PAPOLA: variants seen among roughly 807,000 people sequenced by gnomAD.
PAPOLA encodes polynucleotide adenylyltransferase alpha.
In PAPOLA, 15 loss-of-function variants were observed where a neutral mutation model predicts 100.6. The observed-to-expected ratio is 0.15, with a 90% CI of 0.10 to 0.23. The LOEUF is 0.23. Among genes scored for constraint, PAPOLA ranks in the 10% least tolerant of loss-of-function variants. PAPOLA has a pLI of 1.00. For missense variants in PAPOLA, 533 were observed against 884.2 expected (o/e 0.60, Z 5.04); for synonymous variants, 293 against 300.0 (o/e 0.98, Z 0.24).
rs528035587 is a variant in PAPOLA at position 96,566,628 on chromosome 14, C to T, written c.*1578C>T. ...TATGCATTAATCGAAGCTTTCTTTT[C>T]ACCATGACTTTATAATGTCTAGTAA... On this transcript the variant is annotated 3_prime_UTR_variant, in exon 22 of 22. Transcript: ENST00000216277. 6.6e-6 allele frequency: 1 copy of T among 152,626 alleles called. No individual in the cohort carries two copies. The highest frequency in any genetic ancestry group is 1.9e-4 in the East Asian group (1 of 5,182). The allele number at this position is 152,626 out of a possible 1,614,324, so 9.5% of individuals were successfully genotyped here. A position where few individuals can be genotyped will look rare whatever the true frequency, so the allele number is the denominator to read the frequency against.
At chr14:96,542,638 AT>A in intron 13 of PAPOLA, 135 bp from the exon 14 acceptor site, 2 of 792,812 alleles carry the variant, frequency 2.5e-6, no homozygotes, top group Non-Finnish European at 3.9e-6. Context: ...TTGTTTGGCA[AT>A]TTTGGGTAGA....
chr14:96,509,358 T>C (rs1238741881), intron 1 of PAPOLA, among the ~76,000 whole-genome samples: 1 of 152,140 alleles, frequency 6.6e-6, no homozygotes, highest in Admixed American at 6.5e-5. Flanking sequence ...TAGTTTCAAG[T>C]AGAATTAATT....
intron 13 of PAPOLA, 132 bp from the exon 14 acceptor site, chr14:96,542,642 T>C (rs1900086474): frequency 2.5e-6 from 2 of 802,884 alleles, no homozygotes; most frequent in South Asian, 4.3e-5. Context: ...TTGGCAATTT[T>C]GGGTAGAACA....
At chr14:96,543,212 T>C (rs1900131710) in intron 14 of PAPOLA, among the ~76,000 whole-genome samples, 1 of 152,126 alleles carries the variant, frequency 6.6e-6, no homozygotes, top group South Asian at 2.1e-4. Flanking sequence ...TTCTCCTGTT[T>C]TGTACAATAG....
At chr14:96,557,169 C>T (rs1901409498) in intron 19 of PAPOLA, among the ~76,000 whole-genome samples, 1 of 152,130 alleles carries the variant, frequency 6.6e-6, no homozygotes, top group Admixed American at 6.5e-5. Context: ...CCTCAGCCTC[C>T]CAAGTAGCTG....
chr14:96,529,850 ACTCT>A lies in PAPOLA; in HGVS notation c.496-1623_496-1620del, dbSNP rs150179350. 9.9e-5 allele frequency among the ~76,000 whole-genome samples: 15 copies of A among 152,266 alleles called. No homozygotes were observed. In the East Asian group the frequency reaches 2.9e-3, roughly 29 times the overall value. ...TACCAAAGCTGTGCTGTTTCTTTGC[ACTCT>A]CACCTTTCCTTTAGAAAAGAAACAA... On this transcript the variant is annotated intron_variant, in intron 6 of 21. Coordinates refer to ENST00000216277, the MANE Select transcript of PAPOLA (RefSeq NM_032632.5).
chr14:96,556,697 A>G (rs1901367794), intron 19 of PAPOLA, among the ~76,000 whole-genome samples: 1 of 152,184 alleles, frequency 6.6e-6, no homozygotes, highest in Non-Finnish European at 1.5e-5. Flanking sequence ...ATGAAATTAC[A>G]TGTATTCTTA....
intron 3 of PAPOLA, among the ~76,000 whole-genome samples, chr14:96,522,196 G>A (rs770088383): frequency 2.2e-5 from 3 of 134,728 alleles, no homozygotes; most frequent in Non-Finnish European, 4.6e-5. Context: ...ATCTTGGTTC[G>A]CTGCAACCTG....
intron 10 of PAPOLA, chr14:96,535,381 A>G (rs1899427465): frequency 1.0e-6 from 1 of 980,304 alleles, no homozygotes; most frequent in Non-Finnish European, 1.2e-6. Context: ...TTAACAGTAT[A>G]TCATTTCATT....
At chr14:96,529,729 AAAAC>A (rs572380729) in intron 6 of PAPOLA, among the ~76,000 whole-genome samples, 14 of 152,232 alleles carry the variant, frequency 9.2e-5, no homozygotes, top group South Asian at 6.2e-4. Context: ...CTAAAACAAA[AAAAC>A]AAACAAACAA....
intron 16 of PAPOLA, among the ~76,000 whole-genome samples, chr14:96,550,668 A>G (rs1308168958): frequency 6.6e-6 from 1 of 152,198 alleles, no homozygotes; most frequent in African/African-American, 2.4e-5. Flanking sequence ...GTGACCATCT[A>G]TCCAAATTAC....
intron 15 of PAPOLA, among the ~76,000 whole-genome samples, chr14:96,547,391 A>T (rs914841680): frequency 6.6e-6 from 1 of 152,150 alleles, no homozygotes; most frequent in African/African-American, 2.4e-5. Flanking sequence ...CTTTAGGTAT[A>T]GTTTAATAAG....
chr14:96,559,564 TCTCTCTC>T (rs1901645339), intron 19 of PAPOLA, among the ~76,000 whole-genome samples: 1 of 108,690 alleles, frequency 9.2e-6, no homozygotes, highest in African/African-American at 4.5e-5. Context: ...TCTCTCTCTC[TCTCTCTC>T]TCTCTCTCTC....
rs1328727631 is a variant in PAPOLA at position 96,503,023 on chromosome 14, C to G, written c.8+423C>G. 9 of 190,646 alleles carry G rather than the reference C, an allele frequency of 4.7e-5. No individual in the cohort carries two copies. In the East Asian group the frequency reaches 1.2e-3, roughly 25 times the overall value. 11.8% of individuals were successfully genotyped at this position (190,646 alleles called of 1,614,324 possible). On this transcript the variant is annotated intron_variant, in intron 1 of 21. Transcript: ENST00000216277. ...GTTCGGGCTCGCTCTCGGCGCCCCT[C>G]GGGCCCATTCGATGTTGCTTTTCTG...
At chr14:96,525,189 A>G in intron 3 of PAPOLA, 121 bp from the exon 4 acceptor site, 1 of 613,728 alleles carries the variant, frequency 1.6e-6, no homozygotes, top group South Asian at 2.0e-5. Context: ...GACTTTGAAT[A>G]CCCTTTATAT....
intron 1 of PAPOLA, among the ~76,000 whole-genome samples, chr14:96,512,425 T>C (rs999493751): frequency 6.6e-6 from 1 of 152,214 alleles, no homozygotes; most frequent in Admixed American, 6.5e-5. Flanking sequence ...TTGTAAATGA[T>C]GTGCAGAGGT....
At chr14:96,543,072 C>A (rs1238146451) in intron 14 of PAPOLA, among the ~76,000 whole-genome samples, 179 bp downstream of exon 14, 1 of 152,028 alleles carries the variant, frequency 6.6e-6, no homozygotes, top group Non-Finnish European at 1.5e-5. Context: ...AAGACTGTTT[C>A]GTGAGAAAAA....
chr14:96,513,096 G>A (rs369751183), intron 1 of PAPOLA, among the ~76,000 whole-genome samples: 1 of 152,084 alleles, frequency 6.6e-6, no homozygotes, highest in African/African-American at 2.4e-5. Context: ...ATGGAGTCCC[G>A]CTTGTTGCTC....
At position 96,563,788 on chromosome 14, in the gene PAPOLA, A is replaced by G. The variant is rs540416245; in HGVS notation, c.2142+895A>G. On this transcript the variant is annotated intron_variant, in intron 21 of 21. Transcript: ENST00000216277. ...CATAATCTAATAAAACTTTAGGGGG[A>G]GTAACTAACATCAGGAAGTATGCTT... is the stretch of plus-strand genomic sequence containing the variant. Among the ~76,000 whole-genome samples the G allele has an allele frequency of 4.1e-3, 630 of 152,212 alleles. 6 individuals are homozygous for G. Among genetic ancestry groups the G allele is most frequent in the African/African-American group, 0.015 (611 of 41,552 alleles).
Sources: gnomAD v4.1 joint callset for allele counts (sites outside exome capture counted in the v4.1 genomes callset) on GRCh38, gnomAD v4.1.1 for gene constraint, MANE v1.5 for transcripts, NCBI Gene and HGNC (gene_info 2026-07-23, HGNC 2026-07-21) for gene names.